The following RNLS variants were observed in gnomAD, a reference collection of about 807,000 sequenced individuals.
RNLS encodes the protein renalase.
RNLS carries 39 observed loss-of-function variants against 39.8 expected under a neutral mutation model. That is an observed-to-expected ratio of 0.98 (90% CI 0.76 to 1.28). The LOEUF (loss-of-function observed/expected upper bound fraction) is 1.28. Among genes scored for constraint, RNLS ranks in the 50% most tolerant of loss-of-function variants. The probability of loss-of-function intolerance (pLI) is 0.00; values close to 1 mark genes in which losing one functional copy is unlikely to be tolerated. For synonymous variants in RNLS, 147 were observed against 150.7 expected, an observed-to-expected ratio of 0.98 and a Z score of 0.18; for missense variants, 410 against 413.3, an observed-to-expected ratio of 0.99 and a Z score of 0.07.
chr10:88,185,738 G>GA, the RNLS span, among the ~76,000 whole-genome samples: 17 of 149,496 alleles, frequency 1.1e-4, no homozygotes, highest in East Asian at 1.2e-3. Flanking sequence ...AGGAGTCAGA[G>GA]AAAAAAAAAT....
chr10:88,394,694 G>A (rs1294264100), intron 4 of RNLS, among the ~76,000 whole-genome samples: 3 of 152,032 alleles, frequency 2.0e-5, no homozygotes, highest in Non-Finnish European at 4.4e-5. Context: ...CCATTACTGG[G>A]TATATACCCA....
the RNLS span, among the ~76,000 whole-genome samples, chr10:88,223,465 C>T: frequency 3.4e-4 from 51 of 152,200 alleles, 1 homozygote; most frequent in East Asian, 5.2e-3. Flanking sequence ...CTTAATGAAA[C>T]GTATAAAGGA....
chr10:88,188,989 G>A, the RNLS span, among the ~76,000 whole-genome samples: 1 of 152,166 alleles, frequency 6.6e-6, no homozygotes, highest in Non-Finnish European at 1.5e-5. Context: ...AGAGATGTGA[G>A]AGCCAGTTCT....
At chr10:88,243,656 C>T in the RNLS span, among the ~76,000 whole-genome samples, 8 of 152,174 alleles carry the variant, frequency 5.3e-5, no homozygotes, top group East Asian at 3.8e-4. Context: ...CGGGGAAAAA[C>T]GGAAGTAAGC....
At chr10:88,544,109 T>C (rs1433981846) in intron 4 of RNLS, among the ~76,000 whole-genome samples, 1 of 152,174 alleles carries the variant, frequency 6.6e-6, no homozygotes, top group Non-Finnish European at 1.5e-5. Flanking sequence ...AATGGGATTA[T>C]AATGTGAGGA....
At position 88,314,458 on chromosome 10, in the gene RNLS, T is replaced by G; in HGVS notation, c.876+8A>C. 6.2e-7 allele frequency: 1 copy of G among 1,613,446 alleles called. No homozygotes were observed. The highest frequency in any genetic ancestry group is 8.5e-7 in the Non-Finnish European group (1 of 1,179,520). ...TGTTGTGCTTAGACCACTGGATTCT[T>G]TGATTACCTGTGAATGTCTCCATTT... On this transcript the variant is annotated splice_region_variant and intron_variant, in intron 6 of 6. Coordinates refer to ENST00000331772, the MANE Select transcript of RNLS (RefSeq NM_001031709.3).
At chr10:88,560,450 C>T (rs1849107393) in intron 4 of RNLS, among the ~76,000 whole-genome samples, 1 of 152,122 alleles carries the variant, frequency 6.6e-6, no homozygotes, top group African/African-American at 2.4e-5. Context: ...GCCCCACTAC[C>T]CTGAGCCCCA....
chr10:88,362,517 T>C, intron 5 of RNLS, 35 bp downstream of exon 5: 1 of 1,587,412 alleles, frequency 6.3e-7, no homozygotes, highest in South Asian at 1.1e-5. Flanking sequence ...CCCACCATTG[T>C]TGCTGTATTT....
downstream of RNLS, among the ~76,000 whole-genome samples, chr10:88,272,242 C>G (rs1842670084): frequency 6.6e-6 from 1 of 152,152 alleles, no homozygotes; most frequent in Admixed American, 6.5e-5. Flanking sequence ...CATTGTGGCC[C>G]AGGGCACAGA....
chr10:88,560,438 G>T (rs1051976343), intron 4 of RNLS, among the ~76,000 whole-genome samples: 1 of 152,014 alleles, frequency 6.6e-6, no homozygotes, highest in East Asian at 1.9e-4. Context: ...CCACTACCCT[G>T]AGCCCCACTA....
intron 4 of RNLS, among the ~76,000 whole-genome samples, chr10:88,519,791 T>C (rs1055844572): frequency 6.7e-6 from 1 of 150,148 alleles, no homozygotes; most frequent in Non-Finnish European, 1.5e-5. Flanking sequence ...TCTCTTTTCC[T>C]GCACTAGGTA....
At chr10:88,503,672 G>T (rs1311825513) in intron 4 of RNLS, among the ~76,000 whole-genome samples, 2 of 152,156 alleles carry the variant, frequency 1.3e-5, no homozygotes, top group African/African-American at 4.8e-5. Context: ...TAGAACAAAT[G>T]TTGTGAGCTT....
chr10:88,173,324 G>A, the RNLS span, among the ~76,000 whole-genome samples: 1 of 152,056 alleles, frequency 6.6e-6, no homozygotes, highest in African/African-American at 2.4e-5. Flanking sequence ...GGGTTCTCTA[G>A]TCTATTTCTT....
At chr10:88,538,916 G>A (rs547516939) in intron 4 of RNLS, among the ~76,000 whole-genome samples, 1 of 152,220 alleles carries the variant, frequency 6.6e-6, no homozygotes, top group Non-Finnish European at 1.5e-5. Context: ...GCCAAATAGG[G>A]TGTCTCCCAG....
intron 4 of RNLS, among the ~76,000 whole-genome samples, chr10:88,516,845 C>A (rs1435341224): frequency 6.6e-6 from 1 of 151,968 alleles, no homozygotes; most frequent in Non-Finnish European, 1.5e-5. Flanking sequence ...TTAAAACCAT[C>A]TACTGACTTT....
intron 4 of RNLS, among the ~76,000 whole-genome samples, chr10:88,469,186 G>T (rs1843374226): frequency 6.6e-6 from 1 of 152,094 alleles, no homozygotes; most frequent in East Asian, 1.9e-4. Context: ...TCTTTTCCTT[G>T]CAGAAACTCA....
At chr10:88,388,754 G>A (rs568834162) in intron 4 of RNLS, among the ~76,000 whole-genome samples, 6 of 152,002 alleles carry the variant, frequency 3.9e-5, no homozygotes, top group South Asian at 4.2e-4. Flanking sequence ...GTTTATCATC[G>A]TCTTTTTATA....
chr10:88,212,129 C>T, the RNLS span, among the ~76,000 whole-genome samples: 18 of 152,002 alleles, frequency 1.2e-4, no homozygotes. Flanking sequence ...CTTCTCTGAC[C>T]CTCAGTCCTC....
At chr10:88,437,659 G>A (rs1262152090) in intron 4 of RNLS, among the ~76,000 whole-genome samples, 3 of 152,110 alleles carry the variant, frequency 2.0e-5, no homozygotes, top group Admixed American at 1.3e-4. Flanking sequence ...GTCATGCAAG[G>A]TTGACTTTAT....
Sources: allele counts gnomAD v4.1 joint callset (sites outside exome capture counted in the v4.1 genomes callset), GRCh38; gene constraint gnomAD v4.1.1; transcripts MANE v1.5; gene names NCBI Gene and HGNC (gene_info 2026-07-23, HGNC 2026-07-21).